The following DCUN1D4 variants were observed in gnomAD, a reference collection of about 807,000 sequenced individuals.
DCUN1D4 encodes defective in cullin neddylation 1 domain containing 4, also known as DCN1-like protein 4.
A neutral mutation model predicts 47.9 loss-of-function variants in DCUN1D4; 22 were observed. That is an observed-to-expected ratio of 0.46 (90% CI 0.33 to 0.66). The LOEUF (loss-of-function observed/expected upper bound fraction) is 0.66. DCUN1D4 is among the 30% of genes least tolerant of loss of function. The probability of loss-of-function intolerance (pLI) is 0.02; values close to 1 mark genes in which losing one functional copy is unlikely to be tolerated. For missense variants in DCUN1D4, 301 were observed against 340.8 expected (o/e 0.88, Z 0.92); for synonymous variants, 121 against 112.2 (o/e 1.08, Z -0.50).
chr4:51,903,314 C>T (rs982414285), intron 8 of DCUN1D4, among the ~76,000 whole-genome samples: 28 of 152,190 alleles, frequency 1.8e-4, no homozygotes, highest in East Asian at 1.9e-4. Flanking sequence ...TTTATTCTTT[C>T]GGTACTGCAG....
chr4:51,890,459 AC>A (rs1730247755), intron 6 of DCUN1D4, among the ~76,000 whole-genome samples: 1 of 152,112 alleles, frequency 6.6e-6, no homozygotes, highest in South Asian at 2.1e-4. Flanking sequence ...GTGTTTATCT[AC>A]CTATTGCCTT....
intron 8 of DCUN1D4, among the ~76,000 whole-genome samples, chr4:51,906,585 C>T (rs1007621744): frequency 2.0e-5 from 3 of 152,178 alleles, no homozygotes; most frequent in African/African-American, 7.2e-5. Context: ...ACACTCTCCT[C>T]ACACTCTCCC....
At chr4:51,879,568 C>T (rs907092483) in intron 5 of DCUN1D4, among the ~76,000 whole-genome samples, 2 of 152,204 alleles carry the variant, frequency 1.3e-5, no homozygotes, top group Non-Finnish European at 2.9e-5. Context: ...GATTGTGCCA[C>T]TGCACTCCAG....
At chr4:51,869,177 TA>T (rs113784146) in intron 3 of DCUN1D4, among the ~76,000 whole-genome samples, 1 of 109,540 alleles carries the variant, frequency 9.1e-6, no homozygotes, top group Non-Finnish European at 2.2e-5. Flanking sequence ...ATAAAAAAAA[TA>T]AAAAAAAATG....
intron 7 of DCUN1D4, among the ~76,000 whole-genome samples, chr4:51,894,376 C>T (rs1297090290): frequency 1.3e-5 from 2 of 151,938 alleles, no homozygotes; most frequent in African/African-American, 2.4e-5. Flanking sequence ...TCTGCCTACC[C>T]TCCCACCCCC....
chr4:51,910,526 G>A (rs867797518), intron 8 of DCUN1D4, among the ~76,000 whole-genome samples: 1 of 152,224 alleles, frequency 6.6e-6, no homozygotes, highest in South Asian at 2.1e-4. Context: ...CTCTGATTTA[G>A]AGAGACACTT....
In DCUN1D4 at chr4:51,898,374, G is replaced by A. The variant is rs967114327; in HGVS notation, c.507-896G>A. On this transcript the variant is annotated intron_variant, in intron 7 of 10. Transcript: ENST00000334635. ...CTTGTGGCAGGGGGGCAGACTTACC[G>A]CTAGTGGACTTGGTCTCCTGGGTAG... Among the ~76,000 whole-genome samples, 14 of 152,144 alleles carry A rather than the reference G, an allele frequency of 9.2e-5. No individual in the cohort carries two copies. The South Asian group carries it at 1.9e-3, about 20-fold the overall frequency.
chr4:51,861,795 C>CTAT (rs938667983), intron 1 of DCUN1D4, among the ~76,000 whole-genome samples: 1 of 151,978 alleles, frequency 6.6e-6, no homozygotes, highest in Non-Finnish European at 1.5e-5. Context: ...AAAAAGGGGG[C>CTAT]TATGGCTTGG....
upstream of DCUN1D4, among the ~76,000 whole-genome samples, chr4:51,840,508 C>T (rs1311567114): frequency 6.6e-6 from 1 of 152,172 alleles, no homozygotes; most frequent in Non-Finnish European, 1.5e-5. Flanking sequence ...AGCCAAGTGA[C>T]TCAGATTAAA....
intron 1 of DCUN1D4, among the ~76,000 whole-genome samples, chr4:51,844,043 T>A (rs570083031): frequency 7.3e-6 from 1 of 136,466 alleles, no homozygotes; most frequent in Admixed American, 7.5e-5. Flanking sequence ...TGTGGAAGGG[T>A]AGGGCGATTG....
rs1178732361 is a variant in DCUN1D4, at chr4:51,899,118, ATTTT to A, written c.507-147_507-144del. 5 of 1,324,222 alleles carry A rather than the reference ATTTT, an allele frequency of 3.8e-6. No homozygotes were observed. The East Asian group carries it at 8.8e-5, about 23-fold the overall frequency. 82.0% of individuals were successfully genotyped at this position (1,324,222 alleles called of 1,614,324 possible). The stretch of plus-strand genomic sequence containing the variant: ...CTTTCAACTTTTCTGTACATTTAAA[ATTTT>A]TTTTAAGTGTAGAAAAAATAGGTTA... On this transcript the variant is annotated intron_variant, in intron 7 of 10. Transcript: ENST00000334635.
At chr4:51,853,270 G>A (rs1380977018) in intron 1 of DCUN1D4, among the ~76,000 whole-genome samples, 6 of 152,180 alleles carry the variant, frequency 3.9e-5, no homozygotes, top group Admixed American at 6.5e-5. Context: ...TTTAACTTTG[G>A]ATCTGTGTTC....
intron 1 of DCUN1D4, among the ~76,000 whole-genome samples, chr4:51,862,364 G>C (rs920328214): frequency 6.6e-6 from 1 of 152,238 alleles, no homozygotes; most frequent in Non-Finnish European, 1.5e-5. Context: ...AGGGAGGCCA[G>C]CTTGTTTTCA....
intron 7 of DCUN1D4, among the ~76,000 whole-genome samples, chr4:51,896,283 G>T (rs998285514): frequency 6.6e-6 from 1 of 152,166 alleles, no homozygotes; most frequent in African/African-American, 2.4e-5. Flanking sequence ...TTGCTCCCAG[G>T]CATGCTGCAG....
chr4:51,852,944 GGAAAGATTTTTACTGTGAACTACCCA>G (rs1244651455), intron 1 of DCUN1D4, among the ~76,000 whole-genome samples: 30 of 152,266 alleles, frequency 2.0e-4, no homozygotes, highest in African/African-American at 5.8e-4. Flanking sequence ...TTAGTGAGAT[GGAAAGATTTTTACTGTGAACTACCCA>G]GTGATTCTGT....
intron 1 of DCUN1D4, among the ~76,000 whole-genome samples, chr4:51,852,677 G>A (rs1489899186): frequency 1.3e-5 from 2 of 152,166 alleles, no homozygotes; most frequent in African/African-American, 4.8e-5. Context: ...AACAATTAAC[G>A]TTGATTGGCA....
At chr4:51,882,142 C>G (rs1037008735) in intron 5 of DCUN1D4, among the ~76,000 whole-genome samples, 2 of 151,858 alleles carry the variant, frequency 1.3e-5, no homozygotes, top group Admixed American at 1.3e-4. Flanking sequence ...TTCTAAAACA[C>G]ACAGACACAT....
At chr4:51,845,410 A>T (rs936891482) in intron 1 of DCUN1D4, among the ~76,000 whole-genome samples, 2 of 152,242 alleles carry the variant, frequency 1.3e-5, no homozygotes, top group African/African-American at 4.8e-5. Flanking sequence ...TTTTCGAAGA[A>T]GCTTGGAAAG....
At position 51,874,267 on chromosome 4, in the gene DCUN1D4, G is replaced by A. The variant is rs781765692; in HGVS notation, c.137-4G>A. On this transcript the variant is annotated splice_region_variant and splice_polypyrimidine_tract_variant and intron_variant, in intron 3 of 10. Transcript: ENST00000334635. ...ATTTTGTGCTCTTTGAATTTGTTTT[G>A]TAGGAAGTCTGCGGTCTTGCAGTTC... 1.2e-6 allele frequency: 2 copies of A among 1,606,386 alleles called. No individual in the cohort carries two copies. Among genetic ancestry groups the A allele is most frequent in the Non-Finnish European group, 1.7e-6 (2 of 1,176,582 alleles).
Sources: allele counts gnomAD v4.1 joint callset (sites outside exome capture counted in the v4.1 genomes callset), GRCh38; gene constraint gnomAD v4.1.1; transcripts MANE v1.5; gene names NCBI Gene and HGNC (gene_info 2026-07-23, HGNC 2026-07-21).